The following KIF1B variants were observed in gnomAD, a reference collection of about 807,000 sequenced individuals.
KIF1B encodes the protein kinesin-like protein KIF1B.
A neutral mutation model predicts 241.9 loss-of-function variants in KIF1B; 76 were observed. The ratio of observed to expected loss-of-function variants is 0.31; its 90% CI spans 0.26 to 0.38. The LOEUF is 0.38. Ranked by LOEUF, KIF1B falls within the 10% of genes least tolerant of loss-of-function variation. The probability of loss-of-function intolerance (pLI) is 1.00; values close to 1 mark genes in which losing one functional copy is unlikely to be tolerated. For synonymous variants in KIF1B, 750 were observed against 796.7 expected (o/e 0.94, Z 0.99); for missense variants, 1,622 against 2,271.4 (o/e 0.71, Z 5.81).
chr1:10,311,059 T>A (rs1269642643), intron 22 of KIF1B, among the ~76,000 whole-genome samples: 1 of 151,450 alleles, frequency 6.6e-6, no homozygotes, highest in Non-Finnish European at 1.5e-5. Context: ...CCTTGCTCCC[T>A]GCATTCCATG....
Position 10,277,871 on chromosome 1 carries a change from C to T in KIF1B, c.1038-115C>T, listed in dbSNP as rs547821352. The T allele has an allele frequency of 6.6e-6, 6 of 904,568 alleles. No individual in the cohort carries two copies. The African/African-American group carries it at 1.0e-4, about 15-fold the overall frequency. The allele number at this position is 904,568 out of a possible 1,614,324, so 56.0% of individuals were successfully genotyped here. On this transcript the variant is annotated intron_variant, in intron 12 of 48. Coordinates refer to ENST00000676179, the MANE Select transcript of KIF1B (RefSeq NM_001365951.3). The stretch of plus-strand genomic sequence containing the variant: ...AAGCTTTATACAAATGTATTATTAT[C>T]AAGGCTCATAAAATGTAAACACTCA...
At chr1:10,257,116 TG>T (rs746788568) in intron 3 of KIF1B, among the ~76,000 whole-genome samples, 74 of 151,442 alleles carry the variant, frequency 4.9e-4, no homozygotes, top group Non-Finnish European at 8.8e-4. Flanking sequence ...GTTTTTTTTT[TG>T]TTTGTTTGTT....
At chr1:10,286,717 C>G (rs1649733319) in intron 15 of KIF1B, among the ~76,000 whole-genome samples, 2 of 152,254 alleles carry the variant, frequency 1.3e-5, no homozygotes, top group East Asian at 3.9e-4. Context: ...ATTTATTAAC[C>G]AGTGCTATAC....
intron 1 of KIF1B, among the ~76,000 whole-genome samples, chr1:10,224,264 G>A (rs562760943): frequency 6.6e-6 from 1 of 152,070 alleles, no homozygotes; most frequent in South Asian, 2.1e-4. Flanking sequence ...TTACAGGTGC[G>A]TGTCACCACG....
chr1:10,327,049 A>G (rs1281109544), intron 27 of KIF1B, among the ~76,000 whole-genome samples: 1 of 152,188 alleles, frequency 6.6e-6, no homozygotes, highest in African/African-American at 2.4e-5. Flanking sequence ...TGACCCCATC[A>G]GCAGTGAATA....
At chr1:10,353,783 A>G (rs1003195454) in intron 38 of KIF1B, among the ~76,000 whole-genome samples, 1 of 152,154 alleles carries the variant, frequency 6.6e-6, no homozygotes, top group Non-Finnish European at 1.5e-5. Flanking sequence ...AGAGGGAAGG[A>G]GTGAGAGGGT....
rs775673318 is a variant in KIF1B, at chr1:10,317,606, C to T, written c.2116-2437C>T. ...CAGCACTTTGGGAGGCCGAGGTGGGCGGATCACGAGGTAAGGAGTTCGAGA... is the reference window on the plus strand; with the variant it reads ...CAGCACTTTGGGAGGCCGAGGTGGGTGGATCACGAGGTAAGGAGTTCGAGA... On this transcript the variant is annotated intron_variant, in intron 22 of 48. Transcript: ENST00000676179. Among the ~76,000 whole-genome samples the T allele has an allele frequency of 3.2e-4, 49 of 151,186 alleles. 1 individual carries two copies. Among genetic ancestry groups the T allele is most frequent in the Non-Finnish European group, 4.7e-4 (32 of 67,994 alleles).
chr1:10,331,519 G>A (rs1651920784), intron 27 of KIF1B, among the ~76,000 whole-genome samples: 1 of 152,078 alleles, frequency 6.6e-6, no homozygotes, highest in Non-Finnish European at 1.5e-5. Context: ...TGTTTCATTT[G>A]TATTTCATTT....
At chr1:10,262,564 G>A (rs1347278101) in intron 5 of KIF1B, among the ~76,000 whole-genome samples, 1 of 152,200 alleles carries the variant, frequency 6.6e-6, no homozygotes, top group Non-Finnish European at 1.5e-5. Context: ...GGAAAGTAAT[G>A]CTGGGTAACA....
chr1:10,338,950 G>A (rs17034775), intron 31 of KIF1B, among the ~76,000 whole-genome samples: 15,873 of 152,226 alleles, frequency 0.1, 1,240 homozygotes, highest in African/African-American at 0.22. Context: ...TGTCCCCCCA[G>A]TTGAAAATAG....
chr1:10,296,342 ATCT>A (rs2102257681), intron 19 of KIF1B, among the ~76,000 whole-genome samples: 1 of 152,186 alleles, frequency 6.6e-6, no homozygotes, highest in South Asian at 2.1e-4. Flanking sequence ...ATTTCCTATC[ATCT>A]TCTTAGGTTT....
At chr1:10,258,721 T>G (rs1212430453) in intron 4 of KIF1B, 49 bp downstream of exon 4, 1 of 1,567,418 alleles carries the variant, frequency 6.4e-7, no homozygotes, top group Admixed American at 1.7e-5. Flanking sequence ...TTAGTGTTAG[T>G]CTTAAATTGC....
intron 2 of KIF1B, among the ~76,000 whole-genome samples, chr1:10,243,027 A>C (rs1370021944): frequency 6.6e-6 from 1 of 152,154 alleles, no homozygotes; most frequent in Non-Finnish European, 1.5e-5. Context: ...TGATTTAACT[A>C]AACTTACTCT....
Position 10,378,563 on chromosome 1 carries a change from G to C in KIF1B, c.*1976G>C, listed in dbSNP as rs1638946509. The C allele has an allele frequency of 1.5e-6, 1 of 648,798 alleles. No individual in the cohort carries two copies. Among genetic ancestry groups the C allele is most frequent in the Non-Finnish European group, 2.8e-6 (1 of 355,354 alleles). The allele number at this position is 648,798 out of a possible 1,614,324, so 40.2% of individuals were successfully genotyped here. A position where few individuals can be genotyped will look rare whatever the true frequency, so the allele number is the denominator to read the frequency against. The stretch of plus-strand genomic sequence containing the variant: ...GGAAAGTATCTGCTCACTCCCACTT[G>C]GTGAGTCCTCGGCCTTGAGGTTGCT... On this transcript the variant is annotated 3_prime_UTR_variant, in exon 49 of 49. Coordinates refer to ENST00000676179, the MANE Select transcript of KIF1B (RefSeq NM_001365951.3).
chr1:10,234,429 A>G (rs1647022540), intron 2 of KIF1B, among the ~76,000 whole-genome samples: 1 of 151,568 alleles, frequency 6.6e-6, no homozygotes, highest in African/African-American at 2.4e-5. Flanking sequence ...CCTCATCGCA[A>G]ACTCCTGACT....
At chr1:10,355,133 T>C (rs956337336) in intron 38 of KIF1B, among the ~76,000 whole-genome samples, 3 of 152,192 alleles carry the variant, frequency 2.0e-5, no homozygotes, top group African/African-American at 7.2e-5. Context: ...GTCTCCACTT[T>C]CCCTCTTATG....
At chr1:10,346,977 A>T (rs1031399377) in intron 35 of KIF1B, among the ~76,000 whole-genome samples, 1 of 152,326 alleles carries the variant, frequency 6.6e-6, no homozygotes, top group East Asian at 1.9e-4. Context: ...AATATCCCCC[A>T]GGGAGGGCAT....
intron 45 of KIF1B, among the ~76,000 whole-genome samples, chr1:10,373,622 C>G (rs190486627): frequency 8.3e-4 from 126 of 152,158 alleles, no homozygotes; most frequent in Middle Eastern, 6.8e-3. Flanking sequence ...TGCTATGTTA[C>G]TCTACAAAGA....
intron 2 of KIF1B, among the ~76,000 whole-genome samples, chr1:10,243,743 T>G (rs549563854): frequency 6.6e-6 from 1 of 152,248 alleles, no homozygotes; most frequent in East Asian, 1.9e-4. Context: ...GCAGTAATGC[T>G]GAATGTCTAT....
Sources: gnomAD v4.1 joint callset for allele counts (sites outside exome capture counted in the v4.1 genomes callset) on GRCh38, gnomAD v4.1.1 for gene constraint, MANE v1.5 for transcripts, NCBI Gene and HGNC (gene_info 2026-07-23, HGNC 2026-07-21) for gene names.